The following LRP5 variants were observed in gnomAD, a reference collection of about 807,000 sequenced individuals.
LRP5 encodes the protein low-density lipoprotein receptor-related protein 5.
LRP5 carries 62 observed loss-of-function variants against 154.1 expected under a neutral mutation model. That is an observed-to-expected ratio of 0.40 (90% CI 0.33 to 0.50). LRP5 has a LOEUF of 0.50. Ranked by LOEUF, LRP5 falls within the 20% of genes least tolerant of loss-of-function variation. LRP5 has a pLI of 0.55. For synonymous variants in LRP5, 966 were observed against 1,011.5 expected, an observed-to-expected ratio of 0.96 and a Z score of 0.85; for missense variants, 1,915 against 2,336.7, an observed-to-expected ratio of 0.82 and a Z score of 3.72.
chr11:68,428,496 G>A (rs1015643761), intron 16 of LRP5, among the ~76,000 whole-genome samples: 3 of 152,016 alleles, frequency 2.0e-5, no homozygotes, highest in African/African-American at 7.3e-5. Context: ...CCAGTGCTGT[G>A]GGTGCCAGCG....
chr11:68,403,232 G>A (rs758626908), intron 7 of LRP5, among the ~76,000 whole-genome samples: 13 of 152,204 alleles, frequency 8.5e-5, no homozygotes, highest in Non-Finnish European at 1.5e-4. Flanking sequence ...GCAACAGAGT[G>A]AGACGCTGTC....
At chr11:68,428,560 C>G (rs1591316065) in intron 16 of LRP5, among the ~76,000 whole-genome samples, 1 of 152,066 alleles carries the variant, frequency 6.6e-6, no homozygotes, top group East Asian at 2.0e-4. Context: ...ATGTGTCCAT[C>G]TCCTTTGTGT....
chr11:68,344,960 C>T (rs2098611677), intron 1 of LRP5, among the ~76,000 whole-genome samples: 1 of 140,656 alleles, frequency 7.1e-6, no homozygotes, highest in African/African-American at 2.7e-5. Context: ...CCTCCTGGGT[C>T]CAAGCAATTC....
rs754254742 is a variant in LRP5 at position 68,357,847 on chromosome 11, G to A, written c.686G>A (p.Arg229Gln). ...IHRANLDGSF[R>Q]QKVVEGSLTH... The stretch of plus-strand genomic sequence containing the variant: ...CGTGCCAACCTGGACGGCTCGTTCC[G>A]GTAGGTACCCACGCAGTCCTGGGGC... Residue 229 changes from arginine to glutamine, a missense_variant and splice_region_variant, in exon 3 of 23, where the codon CGG becomes CAG. Arg to Gln is a conservative substitution (Grantham distance 43, BLOSUM62 1). Around this residue, in one of 3 missense-constraint regions of LRP5, gnomAD observed 773 missense variants for 1,100.9 expected, o/e 0.70. Coordinates refer to ENST00000294304, the MANE Select transcript of LRP5 (RefSeq NM_002335.4). The A allele has an allele frequency of 3.7e-6, 6 of 1,610,292 alleles. No individual in the cohort carries two copies. The highest frequency in any genetic ancestry group is 2.2e-5 in the East Asian group (1 of 44,590).
At position 68,413,079 on chromosome 11, in the gene LRP5, G is replaced by C. The variant is rs1427163233; in HGVS notation, c.2504-610G>C. The C allele has an allele frequency of 5.2e-6, 1 of 190,980 alleles. No individual in the cohort carries two copies. Among genetic ancestry groups the C allele is most frequent in the Admixed American group, 5.7e-5 (1 of 17,602 alleles). The allele number at this position is 190,980 out of a possible 1,614,324, so 11.8% of individuals were successfully genotyped here. On this transcript the variant is annotated intron_variant, in intron 11 of 22. Transcript: ENST00000294304. The surrounding 1 kb of genome is among the most constrained non-coding windows in gnomAD (Gnocchi z 5.1). Reference sequence around the variant, plus strand: ...CACGTGACTTCGTGACCGTCACCCAGCTCTGCAGCACATCCCGTGACCCAG... The same window carrying C: ...CACGTGACTTCGTGACCGTCACCCACCTCTGCAGCACATCCCGTGACCCAG...
intron 16 of LRP5, among the ~76,000 whole-genome samples, chr11:68,427,975 T>TTATTTATTTATTTATTTA (rs1565105932): frequency 1.2e-4 from 5 of 43,420 alleles, no homozygotes; most frequent in Non-Finnish European, 1.7e-4. Flanking sequence ...ATTTTATTTT[T>TTATTTATTTATTTATTTA]TTTATTTATT....
intron 1 of LRP5, among the ~76,000 whole-genome samples, chr11:68,337,832 A>C (rs973887799): frequency 1.6e-4 from 24 of 151,706 alleles, no homozygotes; most frequent in African/African-American, 5.3e-4. Context: ...CTCCTCTCGG[A>C]AACCTGCCAA....
Position 68,416,641 on chromosome 11 carries a change from G to A in LRP5, c.3027+114G>A, listed in dbSNP as rs934258786. On this transcript the variant is annotated intron_variant, in intron 13 of 22. Coordinates refer to ENST00000294304, the MANE Select transcript of LRP5 (RefSeq NM_002335.4). Reference sequence around the variant, plus strand: ...GGGAGGAAACAGAGGATGGCTCTGGGTGAATGATGACTTGGGCTTCGATTA... The same window carrying A: ...GGGAGGAAACAGAGGATGGCTCTGGATGAATGATGACTTGGGCTTCGATTA... The A allele has an allele frequency of 8.1e-6, 8 of 986,968 alleles. No homozygotes were observed. The African/African-American group carries it at 1.1e-4, about 14-fold the overall frequency. 61.1% of individuals were successfully genotyped at this position (986,968 alleles called of 1,614,324 possible). A position where few individuals can be genotyped will look rare whatever the true frequency, so the allele number is the denominator to read the frequency against.
chr11:68,399,356 GC>G (rs1386547276), intron 7 of LRP5, among the ~76,000 whole-genome samples: 2 of 151,752 alleles, frequency 1.3e-5, no homozygotes, highest in African/African-American at 2.4e-5. Flanking sequence ...GGGTGACAGA[GC>G]CCAGACCCTG....
At chr11:68,442,273 A>G (rs542102892) in intron 21 of LRP5, among the ~76,000 whole-genome samples, 2 of 152,336 alleles carry the variant, frequency 1.3e-5, no homozygotes, top group Admixed American at 1.3e-4. Context: ...TCAGATTGAC[A>G]TAAGTGTTTT....
chr11:68,326,456 C>T (rs1262299091), intron 1 of LRP5, among the ~76,000 whole-genome samples: 1 of 152,252 alleles, frequency 6.6e-6, no homozygotes, highest in Non-Finnish European at 1.5e-5. Context: ...GCAGGGCCAG[C>T]CTGGGCACCA....
At chr11:68,391,536 G>A (rs1207192695) in intron 7 of LRP5, among the ~76,000 whole-genome samples, 1 of 152,222 alleles carries the variant, frequency 6.6e-6, no homozygotes, top group Non-Finnish European at 1.5e-5. Context: ...GAACACGAGT[G>A]TGTGTCTGTG....
intron 2 of LRP5, among the ~76,000 whole-genome samples, chr11:68,351,827 C>T (rs2098618871): frequency 6.6e-6 from 1 of 152,228 alleles, no homozygotes; most frequent in Admixed American, 6.5e-5. Flanking sequence ...AGCTCAGGTG[C>T]TGGGAAGGCC....
intron 2 of LRP5, among the ~76,000 whole-genome samples, chr11:68,357,170 C>T (rs186065089): frequency 9.5e-4 from 144 of 152,206 alleles, no homozygotes; most frequent in African/African-American, 3.3e-3. Flanking sequence ...CTCCCGACCT[C>T]GTGATCCACC....
chr11:68,302,183 T>C, the LRP5 span, among the ~76,000 whole-genome samples: 4 of 151,074 alleles, frequency 2.6e-5, no homozygotes, highest in Non-Finnish European at 3.0e-5. Context: ...TCATCTCTAC[T>C]AGAAATACAA....
At chr11:68,310,390 C>A (rs1305196697), upstream of LRP5, among the ~76,000 whole-genome samples, 1 of 152,166 alleles carries the variant, frequency 6.6e-6, no homozygotes, top group Admixed American at 6.6e-5. Flanking sequence ...GAGGCCGAGG[C>A]AGGTGGATCA....
At position 68,448,733 on chromosome 11, in the gene LRP5, ACAGCCCCGGGG is replaced by A. The variant is rs1438588372; in HGVS notation, c.4587-74_4587-64del. On this transcript the variant is annotated intron_variant, in intron 22 of 22. Transcript: ENST00000294304. ...GCCAGTGGACAGGCCTTTCCCGTTC[ACAGCCCCGGGG>A]CTGCTGTGCCCACCAGGGCGGATGT... The A allele has an allele frequency of 2.0e-5, 32 of 1,571,562 alleles. No individual in the cohort carries two copies. In the African/African-American group the frequency reaches 3.8e-4, roughly 18 times the overall value.
chr11:68,438,785 A>G (rs991141403), intron 20 of LRP5, 103 bp downstream of exon 20: 6 of 972,314 alleles, frequency 6.2e-6, no homozygotes, highest in Admixed American at 2.1e-5. Context: ...CCTCTTGCAC[A>G]TGTGGCAGAC....
At chr11:68,316,126 A>G (rs1398402136) in intron 1 of LRP5, among the ~76,000 whole-genome samples, 2 of 152,112 alleles carry the variant, frequency 1.3e-5, no homozygotes, top group Non-Finnish European at 2.9e-5. Flanking sequence ...CCTGGTGAAC[A>G]CCAGTCGACT....
Sources: allele counts gnomAD v4.1 joint callset (sites outside exome capture counted in the v4.1 genomes callset), GRCh38; gene constraint gnomAD v4.1.1; regional missense constraint gnomAD v4.1.1; non-coding constraint Gnocchi (gnomAD v3.1); transcripts MANE v1.5; gene names NCBI Gene and HGNC (gene_info 2026-07-23, HGNC 2026-07-21).